Variants in CFAP43 observed in about 807,000 individuals in gnomAD.
CFAP43 encodes the protein cilia- and flagella-associated protein 43.
Under a neutral mutation model 218.9 loss-of-function variants are expected in CFAP43, and 155 were observed. The observed-to-expected ratio is 0.71, with a 90% CI of 0.62 to 0.81. CFAP43 has a LOEUF of 0.81. CFAP43 is among the 30% of genes least tolerant of loss of function. The pLI, the probability that CFAP43 is intolerant of heterozygous loss-of-function variation, is 0.00. For synonymous variants in CFAP43, 645 were observed against 681.3 expected (o/e 0.95, Z 0.83); for missense variants, 1,778 against 1,954.3 (o/e 0.91, Z 1.70).
Position 104,206,992 on chromosome 10 carries a change from G to A in CFAP43, c.895+673C>T, listed in dbSNP as rs148364763. ...AGTTCAAGATCAGCCGGGCCAACAT[G>A]ACGAAACCCCATCTCTACTAAAAAT... On this transcript the variant is annotated intron_variant, in intron 6 of 37. Coordinates refer to ENST00000357060, the MANE Select transcript of CFAP43 (RefSeq NM_025145.7). 8.5e-4 allele frequency among the ~76,000 whole-genome samples: 130 copies of A among 152,258 alleles called. 1 individual carries two copies. The East Asian group carries it at 0.024, about 28-fold the overall frequency.
At chr10:104,151,822 A>G (rs553106641) in intron 28 of CFAP43, among the ~76,000 whole-genome samples, 3 of 152,310 alleles carry the variant, frequency 2.0e-5, no homozygotes, top group East Asian at 1.9e-4. Flanking sequence ...TCCTATGTCC[A>G]GAATGATATT....
chr10:104,187,712 A>G lies in CFAP43; in HGVS notation c.1688-220T>C, dbSNP rs1004316557. Among the ~76,000 whole-genome samples the G allele has an allele frequency of 2.6e-5, 4 of 152,244 alleles. No individual in the cohort carries two copies. In the South Asian group the frequency reaches 8.3e-4, roughly 31 times the overall value. ...GGTAAAATATTTCTGTAATGCCTTG[A>G]TTAATTTTTAATCAATTAACTTAGA... is the stretch of plus-strand genomic sequence containing the variant. On this transcript the variant is annotated intron_variant, in intron 13 of 37. Coordinates refer to ENST00000357060, the MANE Select transcript of CFAP43 (RefSeq NM_025145.7).
intron 28 of CFAP43, among the ~76,000 whole-genome samples, chr10:104,151,175 T>G (rs1015831478): frequency 6.6e-6 from 1 of 152,244 alleles, no homozygotes; most frequent in East Asian, 1.9e-4. Flanking sequence ...TCCATGTCTT[T>G]GCTATTGTGA....
intron 4 of CFAP43, 55 bp from the exon 5 acceptor site, chr10:104,212,212 G>C: frequency 6.4e-7 from 1 of 1,553,840 alleles, no homozygotes; most frequent in Non-Finnish European, 8.8e-7. Context: ...TCTTATTGAT[G>C]CAACCACTGC....
At chr10:104,133,300 G>T (rs998755917) in intron 35 of CFAP43, among the ~76,000 whole-genome samples, 1 of 152,194 alleles carries the variant, frequency 6.6e-6, no homozygotes, top group African/African-American at 2.4e-5. Flanking sequence ...TGACATGTTG[G>T]AAGCAAAATT....
At chr10:104,135,926 T>A (rs1339119407) in intron 34 of CFAP43, among the ~76,000 whole-genome samples, 1 of 151,988 alleles carries the variant, frequency 6.6e-6, no homozygotes, top group Non-Finnish European at 1.5e-5. Flanking sequence ...AAAAGTTGGA[T>A]GGCTAACATT....
At chr10:104,198,815 TA>T (rs1184845297) in intron 8 of CFAP43, among the ~76,000 whole-genome samples, 2 of 151,620 alleles carry the variant, frequency 1.3e-5, no homozygotes, top group Non-Finnish European at 2.9e-5. Context: ...TGTGCTCGGC[TA>T]ATTTTTGTAT....
intron 32 of CFAP43, among the ~76,000 whole-genome samples, chr10:104,142,773 A>T (rs1214021868): frequency 6.6e-6 from 1 of 152,174 alleles, no homozygotes; most frequent in Non-Finnish European, 1.5e-5. Flanking sequence ...AACAAGAGGA[A>T]GGATTCTCTT....
At chr10:104,159,751 G>A (rs549295188) in intron 27 of CFAP43, among the ~76,000 whole-genome samples, 81 of 152,276 alleles carry the variant, frequency 5.3e-4, no homozygotes, top group African/African-American at 1.7e-3. Flanking sequence ...TGGGAGATGC[G>A]CAACGGGTGT....
chr10:104,161,711 G>C (rs2134812302), intron 26 of CFAP43, among the ~76,000 whole-genome samples: 1 of 152,200 alleles, frequency 6.6e-6, no homozygotes, highest in South Asian at 2.1e-4. Flanking sequence ...GCTCACTGTA[G>C]CCTTGAACTC....
In CFAP43 at chr10:104,143,590, C is replaced by T. The variant is rs772580093; in HGVS notation, c.3994G>A (p.Gly1332Arg). 3.2e-5 allele frequency: 51 copies of T among 1,614,156 alleles called. 1 individual carries two copies. In the Middle Eastern group the frequency reaches 5.0e-4, roughly 16 times the overall value. The change falls in exon 32 of 38, where the codon GGA (glycine) becomes AGA (arginine). Residue 1332 changes from glycine to arginine, a missense_variant. By Grantham distance (125) the Gly-to-Arg change is moderately radical (BLOSUM62 -2). Around this residue, in one of 3 missense-constraint regions of CFAP43, gnomAD observed 1,553 missense variants for 1,685.2 expected, o/e 0.92. Coordinates refer to ENST00000357060, the MANE Select transcript of CFAP43 (RefSeq NM_025145.7). The part of the protein sequence containing the change: ...HSETTSVVPF[G>R]ELPGSGKLNK... The stretch of plus-strand genomic sequence containing the variant: ...AACTTGCCAGATCCTGGTAGTTCTC[C>T]GAAAGGGACAACGCTGGTTGTTTCT...
intron 34 of CFAP43, among the ~76,000 whole-genome samples, chr10:104,136,663 G>A (rs1215696633): frequency 2.0e-5 from 3 of 152,076 alleles, no homozygotes; most frequent in Admixed American, 1.3e-4. Context: ...CACCGCACAC[G>A]GCCTGATTCT....
At chr10:104,172,683 G>T in intron 19 of CFAP43, 148 bp from the exon 20 acceptor site, 2 of 708,362 alleles carry the variant, frequency 2.8e-6, no homozygotes, top group South Asian at 2.6e-5. Flanking sequence ...TAGATTATGG[G>T]CTTATTGTGG....
At chr10:104,198,754 G>C (rs1343397430) in intron 8 of CFAP43, among the ~76,000 whole-genome samples, 3 of 149,248 alleles carry the variant, frequency 2.0e-5, no homozygotes, top group African/African-American at 7.4e-5. Flanking sequence ...GGGTTCAAGA[G>C]ATTCTCCTGC....
chr10:104,143,108 A>T (rs1046487768), intron 32 of CFAP43, among the ~76,000 whole-genome samples: 5 of 152,224 alleles, frequency 3.3e-5, no homozygotes, highest in Non-Finnish European at 4.4e-5. Context: ...TTTTGTTCAT[A>T]CTAAGCCTTC....
At chr10:104,191,817 G>T (rs1364449998) in intron 12 of CFAP43, among the ~76,000 whole-genome samples, 1 of 151,246 alleles carries the variant, frequency 6.6e-6, no homozygotes, top group Non-Finnish European at 1.5e-5. Context: ...TATACAGTTG[G>T]CATGTAAAGC....
chr10:104,182,435 G>A lies in CFAP43; in HGVS notation c.2220C>T (p.Asp740=), dbSNP rs2089880554. The A allele has an allele frequency of 6.2e-7, 1 of 1,612,670 alleles. No homozygotes were observed. Among genetic ancestry groups the A allele is most frequent in the Non-Finnish European group, 8.5e-7 (1 of 1,179,574 alleles). The change falls in exon 17 of 38, where the codon GAC becomes GAT. Residue 740 remains aspartate, a synonymous_variant. Transcript: ENST00000357060. ...KLLISLSSAM[D]KENHYLSTTP... is the part of the protein sequence containing the mutation. Reference sequence around the variant, plus strand: ...TTGTGCTTAAATAATGATTCTCCTTGTCCATGGCGCTGCTCAGGGAAATTA... The same window carrying A: ...TTGTGCTTAAATAATGATTCTCCTTATCCATGGCGCTGCTCAGGGAAATTA...
intron 12 of CFAP43, among the ~76,000 whole-genome samples, chr10:104,190,133 C>A (rs2090163728): frequency 1.2e-5 from 1 of 81,392 alleles, no homozygotes; most frequent in Non-Finnish European, 2.2e-5. Context: ...GAGACTCCAT[C>A]TCAAAAAAAA....
intron 6 of CFAP43, among the ~76,000 whole-genome samples, chr10:104,206,296 G>A (rs2090686633): frequency 6.6e-6 from 1 of 152,110 alleles, no homozygotes. Context: ...GTGAGTCAGA[G>A]AATAGGAAAA....
Sources: allele counts gnomAD v4.1 joint callset (sites outside exome capture counted in the v4.1 genomes callset), GRCh38; gene constraint gnomAD v4.1.1; regional missense constraint gnomAD v4.1.1; transcripts MANE v1.5; gene names NCBI Gene and HGNC (gene_info 2026-07-23, HGNC 2026-07-21).